The following TPR variants were observed in gnomAD, a reference collection of about 807,000 sequenced individuals.
TPR encodes the protein nucleoprotein TPR.
Under a neutral mutation model 316.1 loss-of-function variants are expected in TPR, and 51 were observed. The observed-to-expected ratio is 0.16, with a 90% CI of 0.13 to 0.20. The LOEUF is 0.20. Among genes scored for constraint, TPR ranks in the 10% least tolerant of loss-of-function variants. The pLI, the probability that TPR is intolerant of heterozygous loss-of-function variation, is 1.00. For synonymous variants in TPR, 981 were observed against 914.7 expected (o/e 1.07, Z -1.31); for missense variants, 2,272 against 2,754.8 (o/e 0.82, Z 3.92).
chr1:186,346,190 T>C lies in TPR; in HGVS notation c.3041A>G (p.Glu1014Gly). 1 of 1,613,452 alleles carries C rather than the reference T, an allele frequency of 6.2e-7. No individual in the cohort carries two copies. Among genetic ancestry groups the C allele is most frequent in the Non-Finnish European group, 8.5e-7 (1 of 1,179,714 alleles). ...LEKKLMEVEK[E>G]KQELQDDKRR... ...TTTATCATCCTGAAGTTCTTGTTTT[T>C]CCTTCTCTACTTCCATCAACTTCTT... Residue 1014 changes from glutamate (E) to glycine (G), a missense_variant, in exon 23 of 51, where the codon GAA (glutamate) becomes GGA (glycine). Glu to Gly is a moderately conservative substitution (Grantham distance 98). Around this residue, in one of 10 missense-constraint regions of TPR, gnomAD observed 757 missense variants for 859.8 expected, o/e 0.88. Coordinates refer to ENST00000367478, the MANE Select transcript of TPR (RefSeq NM_003292.3).
intron 38 of TPR, among the ~76,000 whole-genome samples, chr1:186,331,806 C>T (rs1055536615): frequency 2.6e-5 from 4 of 151,928 alleles, no homozygotes; most frequent in Non-Finnish European, 5.9e-5. Flanking sequence ...ATTTAGTAGC[C>T]TTAATGTTTG....
intron 33 of TPR, among the ~76,000 whole-genome samples, 162 bp downstream of exon 33, chr1:186,336,334 T>C (rs1004405829): frequency 6.6e-6 from 1 of 152,144 alleles, no homozygotes; most frequent in Non-Finnish European, 1.5e-5. Flanking sequence ...AAATTAGGAT[T>C]GCTCTTTGTG....
intron 23 of TPR, 91 bp downstream of exon 23, chr1:186,346,044 T>G: frequency 2.8e-6 from 4 of 1,414,010 alleles, no homozygotes; most frequent in Non-Finnish European, 3.8e-6. Context: ...AAATTTCTGT[T>G]GAGATGAACT....
chr1:186,340,450 G>C (rs77451401), intron 29 of TPR, among the ~76,000 whole-genome samples: 3 of 139,720 alleles, frequency 2.1e-5, no homozygotes, highest in African/African-American at 5.3e-5. Flanking sequence ...TTTTTTTTTT[G>C]AGACAGGGTC....
rs558384779 is a variant in TPR, at chr1:186,333,232, C to T, written c.5345G>A (p.Ser1782Asn). 6.2e-7 allele frequency: 1 copy of T among 1,613,636 alleles called. No individual in the cohort carries two copies. The highest frequency in any genetic ancestry group is 1.1e-5 in the South Asian group (1 of 91,070). ...ATTGGCAGGCTCAATCTGAGGATGA[C>T]TCTGTTGAGTGGGTTGCACAAAAGC... Reference protein sequence around the residue: ...ATAFVQPTQQSHPQIEPANQE... With the variant: ...ATAFVQPTQQNHPQIEPANQE... Residue 1782 changes from serine (S) to asparagine (N), a missense_variant, in exon 37 of 51, where the codon AGT (serine) becomes AAT (asparagine). Coordinates refer to ENST00000367478, the MANE Select transcript of TPR (RefSeq NM_003292.3).
In TPR at chr1:186,343,424, G is replaced by T. The variant is rs1370507154; in HGVS notation, c.3652C>A (p.Gln1218Lys). ...EIAETRFEVA[Q>K]VESLRYRQRV... ...TGTCGATAACGCAGACTCTCAACCT[G>T]AGCCACCTCAAACCTAGTTTCAGCA... The change falls in exon 27 of 51, where the codon CAG becomes AAG. Residue 1218 changes from glutamine to lysine, a missense_variant. By Grantham distance (53) the Gln-to-Lys change is moderately conservative. Around this residue, in one of 10 missense-constraint regions of TPR, gnomAD observed 757 missense variants for 859.8 expected, o/e 0.88. Coordinates refer to ENST00000367478, the MANE Select transcript of TPR (RefSeq NM_003292.3). The T allele has an allele frequency of 6.2e-7, 1 of 1,613,666 alleles. No individual in the cohort carries two copies. Among genetic ancestry groups the T allele is most frequent in the Admixed American group, 1.7e-5 (1 of 60,002 alleles).
At position 186,375,011 on chromosome 1, in the gene TPR, C is replaced by A. The variant is rs777148418; in HGVS notation, c.18G>T (p.Gln6His). The change falls in exon 1 of 51, where the codon CAG (glutamine) becomes CAT (histidine). Residue 6 changes from glutamine (Q) to histidine (H), a missense_variant. Gln to His is a conservative substitution (Grantham distance 24). Around this residue, in one of 10 missense-constraint regions of TPR, gnomAD observed 549 missense variants for 598.6 expected, o/e 0.92. Transcript: ENST00000367478. ...TCAGCTCCGTGCGCTCCAGGACTTG[C>A]TGCAACACCGCCGCCATGTCGGTGG... MAAVL[Q>H]QVLERTELNK... The A allele has an allele frequency of 1.9e-6, 3 of 1,614,026 alleles. No individual in the cohort carries two copies. The highest frequency in any genetic ancestry group is 2.5e-6 in the Non-Finnish European group (3 of 1,180,014).
intron 49 of TPR, among the ~76,000 whole-genome samples, chr1:186,316,976 T>C (rs1657630530): frequency 6.6e-6 from 1 of 152,216 alleles, no homozygotes; most frequent in Non-Finnish European, 1.5e-5. Flanking sequence ...ACTGTTTACA[T>C]CAGTAAATTT....
chr1:186,340,273 T>C (rs1393281250), intron 29 of TPR, among the ~76,000 whole-genome samples: 1 of 152,198 alleles, frequency 6.6e-6, no homozygotes, highest in Non-Finnish European at 1.5e-5. Context: ...CCAAGTCATA[T>C]AAATAATACA....
chr1:186,357,597 T>C lies in TPR; in HGVS notation c.1524A>G (p.Glu508=), dbSNP rs368974326. The C allele has an allele frequency of 3.1e-6, 5 of 1,613,702 alleles. No homozygotes were observed. In the African/African-American group the frequency reaches 6.7e-5, roughly 22 times the overall value. ...GAATTACGTGGTTACCCCTTGCTTC[T>C]TCAAGTTCCATCAAAAGCACTCTAA... ...QQIRVLLMEL[E]EARGNHVIRD... The change falls in exon 14 of 51, where the codon GAA becomes GAG. Residue 508 remains glutamate, a synonymous_variant. Coordinates refer to ENST00000367478, the MANE Select transcript of TPR (RefSeq NM_003292.3).
chr1:186,363,353 CATCAGAAGCTTG>C lies in TPR; in HGVS notation c.508_519del (p.Gln170_Asp173del). 1 of 1,611,798 alleles carries C rather than the reference CATCAGAAGCTTG, an allele frequency of 6.2e-7. No homozygotes were observed. The highest frequency in any genetic ancestry group is 8.5e-7 in the Non-Finnish European group (1 of 1,178,384). On this transcript the variant is annotated inframe_deletion, in exon 5 of 51. Transcript: ENST00000367478. ...CATCTGGTACTTGCCTTAACAGAAA[CATCAGAAGCTTG>C]AAGTTCATCCAATTTTAACTGAAGT...
intron 7 of TPR, 135 bp downstream of exon 7, chr1:186,362,153 A>G: frequency 1.4e-6 from 1 of 691,358 alleles, no homozygotes; most frequent in African/African-American, 1.8e-5. Context: ...TAGCCTAGCT[A>G]CAGCATATGG....
chr1:186,347,648 T>C (rs1658724660), intron 21 of TPR, among the ~76,000 whole-genome samples, 190 bp from the exon 22 acceptor site: 1 of 152,206 alleles, frequency 6.6e-6, no homozygotes, highest in African/African-American at 2.4e-5. Flanking sequence ...ACAAAAAAAT[T>C]CAAATATTAA....
At chr1:186,328,348 C>T (rs1658060817) in intron 39 of TPR, among the ~76,000 whole-genome samples, 1 of 152,058 alleles carries the variant, frequency 6.6e-6, no homozygotes, top group South Asian at 2.1e-4. Context: ...TAATAATATA[C>T]TTAACCAATA....
Position 186,341,330 on chromosome 1 carries a change from A to G in TPR, c.3810T>C (p.Asn1270=). Reference sequence around the variant, plus strand: ...GCATTTTATTGGTCTCCATAACTACATTCATTGTTTCAGTTTTCTTCATCA... The same window carrying G: ...GCATTTTATTGGTCTCCATAACTACGTTCATTGTTTCAGTTTTCTTCATCA... The part of the protein sequence containing the change: ...EELMKKTETM[N]VVMETNKMLR... The change falls in exon 28 of 51, where the codon AAT becomes AAC. Residue 1270 remains asparagine, a synonymous_variant. Transcript: ENST00000367478. The G allele has an allele frequency of 6.2e-7, 1 of 1,613,866 alleles. No homozygotes were observed. The highest frequency in any genetic ancestry group is 8.5e-7 in the Non-Finnish European group (1 of 1,179,984).
chr1:186,356,094 T>C (rs1283640628), intron 15 of TPR, among the ~76,000 whole-genome samples, 192 bp downstream of exon 15: 4 of 152,176 alleles, frequency 2.6e-5, no homozygotes, highest in South Asian at 2.1e-4. Context: ...TTTTCAACAA[T>C]AGAAAGCATT....
intron 42 of TPR, 66 bp downstream of exon 42, chr1:186,325,698 A>T: frequency 8.2e-7 from 1 of 1,221,866 alleles, no homozygotes; most frequent in Non-Finnish European, 1.2e-6. Context: ...TATTAGAATT[A>T]AGTGCAATTC....
chr1:186,348,177 G>A (rs964722602), intron 21 of TPR, among the ~76,000 whole-genome samples: 1 of 152,130 alleles, frequency 6.6e-6, no homozygotes, highest in African/African-American at 2.4e-5. Flanking sequence ...GCAAGTAGGA[G>A]AGATATCGCT....
chr1:186,341,764 C>CTCT (rs150938176), intron 27 of TPR: 29,814 of 162,278 alleles, frequency 0.18, 3,095 homozygotes, highest in African/African-American at 0.29. Flanking sequence ...TCAGAAATCT[C>CTCT]TCATTTTGAT....
Sources: allele counts gnomAD v4.1 joint callset (sites outside exome capture counted in the v4.1 genomes callset), GRCh38; gene constraint gnomAD v4.1.1; regional missense constraint gnomAD v4.1.1; transcripts MANE v1.5; gene names NCBI Gene and HGNC (gene_info 2026-07-23, HGNC 2026-07-21).